Variants in MTHFD2L observed in about 807,000 individuals in gnomAD.
MTHFD2L encodes methylenetetrahydrofolate dehydrogenase (NADP+ dependent) 2 like, also known as bifunctional methylenetetrahydrofolate dehydrogenase/cyclohydrolase 2, mitochondrial.
Under a neutral mutation model 34.9 loss-of-function variants are expected in MTHFD2L, and 29 were observed. The observed-to-expected ratio is 0.83, with a 90% CI of 0.62 to 1.13. MTHFD2L has a LOEUF of 1.13. Among genes scored for constraint, MTHFD2L ranks in the 50% most tolerant of loss-of-function variants. MTHFD2L has a pLI of 0.00. For synonymous variants in MTHFD2L, 167 were observed against 155.7 expected (o/e 1.07, Z -0.54); for missense variants, 481 against 446.5 (o/e 1.08, Z -0.70).
chr4:74,261,245 A>G (rs2110222839), intron 6 of MTHFD2L, among the ~76,000 whole-genome samples: 1 of 152,196 alleles, frequency 6.6e-6, no homozygotes. Context: ...AAGATAATCA[A>G]CTGATAAAAT....
intron 5 of MTHFD2L, among the ~76,000 whole-genome samples, chr4:74,211,193 G>T (rs950153530): frequency 2.6e-5 from 4 of 151,952 alleles, no homozygotes; most frequent in African/African-American, 7.3e-5. Flanking sequence ...TTGCCTGATT[G>T]CCCTGGCCAG....
upstream of MTHFD2L, among the ~76,000 whole-genome samples, chr4:74,118,993 G>T (rs1721703418): frequency 6.6e-6 from 1 of 152,170 alleles, no homozygotes; most frequent in Non-Finnish European, 1.5e-5. Context: ...AGGAGTGGTT[G>T]CAAACACAGA....
chr4:74,176,208 C>T (rs1237027676), intron 3 of MTHFD2L, among the ~76,000 whole-genome samples: 1 of 152,022 alleles, frequency 6.6e-6, no homozygotes, highest in Admixed American at 6.6e-5. Context: ...GTAACTACGT[C>T]TCTCCAAAGG....
At chr4:74,242,959 A>G (rs974912989) in intron 6 of MTHFD2L, among the ~76,000 whole-genome samples, 1 of 152,256 alleles carries the variant, frequency 6.6e-6, no homozygotes, top group African/African-American at 2.4e-5. Flanking sequence ...TTTCACATTC[A>G]TATTTTTAAA....
At chr4:74,174,481 G>A (rs1427415115) in intron 1 of MTHFD2L, 25 bp from the exon 2 acceptor site, 6 of 1,395,620 alleles carry the variant, frequency 4.3e-6, no homozygotes, top group African/African-American at 1.5e-5. Flanking sequence ...TTTCTTTTTA[G>A]TATTTATTGT....
At position 74,286,709 on chromosome 4, in the gene MTHFD2L, CCCTTTTGAAGCTT is replaced by C. The variant is rs1414266263; in HGVS notation, c.931+5160_931+5172del. On this transcript the variant is annotated intron_variant, in intron 7 of 7. Coordinates refer to ENST00000325278, the MANE Select transcript of MTHFD2L (RefSeq NM_001144978.3). ...TAGCTAACGCAAAGACATTTCTCTA[CCCTTTTGAAGCTT>C]TAGTAGCTTTGCTTCAATTTTATGA... 2.0e-5 allele frequency among the ~76,000 whole-genome samples: 3 copies of C among 152,132 alleles called. No individual in the cohort carries two copies. In the East Asian group the frequency reaches 5.8e-4, roughly 29 times the overall value.
intron 6 of MTHFD2L, among the ~76,000 whole-genome samples, chr4:74,281,188 T>G (rs535809795): frequency 1.3e-5 from 2 of 152,206 alleles, no homozygotes; most frequent in Admixed American, 6.5e-5. Flanking sequence ...AGGTGAGCCA[T>G]CTCTGAAGTG....
chr4:74,277,968 T>C (rs780009336), intron 6 of MTHFD2L, among the ~76,000 whole-genome samples: 4 of 152,046 alleles, frequency 2.6e-5, no homozygotes, highest in Non-Finnish European at 2.9e-5. Context: ...TGCAAGAAGA[T>C]AGGGAGCTTG....
intron 3 of MTHFD2L, chr4:74,194,087 C>T (rs1171325901): frequency 6.6e-6 from 1 of 152,114 alleles, no homozygotes; most frequent in African/African-American, 2.4e-5. Context: ...TGCTTCTCCT[C>T]TGGTGAACCA....
At chr4:74,197,364 A>G (rs1234995539) in intron 3 of MTHFD2L, among the ~76,000 whole-genome samples, 2 of 152,180 alleles carry the variant, frequency 1.3e-5, no homozygotes, top group African/African-American at 4.8e-5. Context: ...TTACTCATAT[A>G]ACAAAAGGAA....
At chr4:74,273,828 C>A (rs1448760080) in intron 6 of MTHFD2L, among the ~76,000 whole-genome samples, 1 of 152,072 alleles carries the variant, frequency 6.6e-6, no homozygotes, top group Non-Finnish European at 1.5e-5. Flanking sequence ...GATGGCTGGG[C>A]CTTCTCCAGG....
At chr4:74,292,024 TTGA>T (rs922765742) in intron 7 of MTHFD2L, among the ~76,000 whole-genome samples, 12 of 152,196 alleles carry the variant, frequency 7.9e-5, no homozygotes, top group African/African-American at 2.7e-4. Context: ...TTTAGAAAAG[TTGA>T]TGAACATTAT....
At chr4:74,122,329 A>T (rs1383884864), upstream of MTHFD2L, among the ~76,000 whole-genome samples, 1 of 152,206 alleles carries the variant, frequency 6.6e-6, no homozygotes, top group Non-Finnish European at 1.5e-5. Context: ...GTGAAGGGGA[A>T]ACAAGCACAT....
intron 6 of MTHFD2L, among the ~76,000 whole-genome samples, chr4:74,269,972 C>T (rs1016889796): frequency 1.3e-5 from 2 of 151,902 alleles, no homozygotes; most frequent in African/African-American, 4.8e-5. Flanking sequence ...TTAGGATGCA[C>T]AAAGATAAAA....
chr4:74,295,220 A>G (rs1239800072), intron 7 of MTHFD2L, among the ~76,000 whole-genome samples: 2 of 151,972 alleles, frequency 1.3e-5, no homozygotes, highest in African/African-American at 4.8e-5. Flanking sequence ...CGCTGTTTTC[A>G]TCATGTGCTT....
At chr4:74,224,740 G>T (rs1256121917) in intron 5 of MTHFD2L, among the ~76,000 whole-genome samples, 1 of 152,056 alleles carries the variant, frequency 6.6e-6, no homozygotes, top group Admixed American at 6.6e-5. Context: ...TTCAAAGTTG[G>T]TTAGTTTTTT....
intron 7 of MTHFD2L, among the ~76,000 whole-genome samples, chr4:74,300,466 A>G (rs1750161918): frequency 6.6e-6 from 1 of 152,066 alleles, no homozygotes; most frequent in African/African-American, 2.4e-5. Context: ...ATTTTGATTC[A>G]TGCAGAAGTC....
At chr4:74,167,742 T>G (rs1727028808) in intron 1 of MTHFD2L, among the ~76,000 whole-genome samples, 1 of 152,190 alleles carries the variant, frequency 6.6e-6, no homozygotes, top group Admixed American at 6.5e-5. Context: ...TGAATTAAAA[T>G]ATGACTGGTG....
At chr4:74,267,129 T>C in intron 6 of MTHFD2L, 1 of 985,300 alleles carries the variant, frequency 1.0e-6, no homozygotes. Context: ...TTCTAAAATG[T>C]TTGAAACCCA....
Sources: gnomAD v4.1 joint callset for allele counts (sites outside exome capture counted in the v4.1 genomes callset) on GRCh38, gnomAD v4.1.1 for gene constraint, MANE v1.5 for transcripts, NCBI Gene and HGNC (gene_info 2026-07-23, HGNC 2026-07-21) for gene names.